RBM20: variants seen among roughly 807,000 people sequenced by gnomAD.
RBM20 encodes the protein RNA binding motif protein 20.
A neutral mutation model predicts 110.1 loss-of-function variants in RBM20; 51 were observed. The ratio of observed to expected loss-of-function variants is 0.46; its 90% CI spans 0.37 to 0.59. The LOEUF is 0.59. Ranked by LOEUF, RBM20 falls within the 20% of genes least tolerant of loss-of-function variation. The probability of loss-of-function intolerance (pLI) is 0.00; values close to 1 mark genes in which losing one functional copy is unlikely to be tolerated. For missense variants in RBM20, 1,512 were observed against 1,574.9 expected, an observed-to-expected ratio of 0.96 and a Z score of 0.68; for synonymous variants, 589 against 618.2, an observed-to-expected ratio of 0.95 and a Z score of 0.70.
rs547785049 is a variant in RBM20 at position 110,760,377 on chromosome 10, A to T, written c.192-20424A>T. Among the ~76,000 whole-genome samples, 20 of 150,182 alleles carry T rather than the reference A, an allele frequency of 1.3e-4. No individual in the cohort carries two copies. In the South Asian group the frequency reaches 4.2e-3, roughly 32 times the overall value. The stretch of plus-strand genomic sequence containing the variant: ...TTTCATCTGAGGGGTTCATTGGAAG[A>T]CACTATAAGCTACATGGGTCAATAT... On this transcript the variant is annotated intron_variant, in intron 1 of 13. Coordinates refer to ENST00000369519, the MANE Select transcript of RBM20 (RefSeq NM_001134363.3).
At position 110,759,823 on chromosome 10, in the gene RBM20, T is replaced by G. The variant is rs145271295; in HGVS notation, c.192-20978T>G. Reference sequence around the variant, plus strand: ...GATGAATCTACTACTCTCTTTGTACTTACATAGCCCAAGAAAAAACAATGA... The same window carrying G: ...GATGAATCTACTACTCTCTTTGTACGTACATAGCCCAAGAAAAAACAATGA... On this transcript the variant is annotated intron_variant, in intron 1 of 13. Coordinates refer to ENST00000369519, the MANE Select transcript of RBM20 (RefSeq NM_001134363.3). Among the ~76,000 whole-genome samples the G allele has an allele frequency of 2.6e-5, 4 of 152,352 alleles. No homozygotes were observed. In the East Asian group the frequency reaches 7.7e-4, roughly 29 times the overall value.
Position 110,705,642 on chromosome 10 carries a change from T to A in RBM20, c.191+60997T>A, listed in dbSNP as rs529587822. On this transcript the variant is annotated intron_variant, in intron 1 of 13. Coordinates refer to ENST00000369519, the MANE Select transcript of RBM20 (RefSeq NM_001134363.3). ...ATAAATTTCATGTAAATACCATGCTTATGAAAGCGTAAGTAATACACATAT... is the reference window on the plus strand; with the variant it reads ...ATAAATTTCATGTAAATACCATGCTAATGAAAGCGTAAGTAATACACATAT... Among the ~76,000 whole-genome samples the A allele has an allele frequency of 3.9e-5, 6 of 152,354 alleles. No homozygotes were observed. In the South Asian group the frequency reaches 1.0e-3, roughly 26 times the overall value.
chr10:110,764,973 G>A (rs1309273468), intron 1 of RBM20, among the ~76,000 whole-genome samples: 2 of 152,056 alleles, frequency 1.3e-5, no homozygotes, highest in East Asian at 3.9e-4. Flanking sequence ...CGATTTGTCT[G>A]TGTCCCCACC....
chr10:110,827,653 T>C (rs560385395), intron 12 of RBM20: 9 of 152,350 alleles, frequency 5.9e-5, no homozygotes, highest in African/African-American at 1.9e-4. Flanking sequence ...AGGAGGCTAC[T>C]ACGCAGAGTT....
At chr10:110,788,803 G>T (rs781604539) in intron 5 of RBM20, among the ~76,000 whole-genome samples, 1 of 152,172 alleles carries the variant, frequency 6.6e-6, no homozygotes, top group Non-Finnish European at 1.5e-5. Flanking sequence ...GACCTCCAAA[G>T]ATATCACCCC....
rs1845127849 is a variant in RBM20, at chr10:110,836,278, C to T, written c.*300C>T. On this transcript the variant is annotated 3_prime_UTR_variant, in exon 14 of 14. Coordinates refer to ENST00000369519, the MANE Select transcript of RBM20 (RefSeq NM_001134363.3). ...TTTTCCTCTTGTTCTTTCTCTCCCT[C>T]CCTCCTTATGTGCCAAGGATCGTTT... 4.9e-6 allele frequency: 1 copy of T among 203,708 alleles called. No homozygotes were observed. The highest frequency in any genetic ancestry group is 9.8e-6 in the Non-Finnish European group (1 of 101,732). 12.6% of individuals were successfully genotyped at this position (203,708 alleles called of 1,614,324 possible). A position where few individuals can be genotyped will look rare whatever the true frequency, so the allele number is the denominator to read the frequency against.
intron 1 of RBM20, among the ~76,000 whole-genome samples, chr10:110,780,574 C>T (rs573760819): frequency 4.0e-5 from 6 of 148,864 alleles, no homozygotes; most frequent in Non-Finnish European, 8.9e-5. Flanking sequence ...TATGTTTCTA[C>T]TTACTAGTGA....
At chr10:110,729,212 A>G (rs778171330) in intron 1 of RBM20, among the ~76,000 whole-genome samples, 6 of 152,194 alleles carry the variant, frequency 3.9e-5, no homozygotes, top group Non-Finnish European at 5.9e-5. Flanking sequence ...AACGCTCCCA[A>G]TTTTAACCTC....
At chr10:110,775,126 A>G (rs1225915755) in intron 1 of RBM20, among the ~76,000 whole-genome samples, 2 of 151,890 alleles carry the variant, frequency 1.3e-5, no homozygotes, top group Non-Finnish European at 2.9e-5. Flanking sequence ...TAAATTCTCA[A>G]CTCTGCTCTA....
intron 1 of RBM20, among the ~76,000 whole-genome samples, chr10:110,760,734 C>T (rs1843987109): frequency 6.7e-6 from 1 of 150,038 alleles, no homozygotes; most frequent in African/African-American, 2.4e-5. Flanking sequence ...AGCCACTGCA[C>T]CTGGCCAGGA....
intron 12 of RBM20, among the ~76,000 whole-genome samples, 193 bp from the exon 13 acceptor site, chr10:110,830,868 G>A (rs989242002): frequency 6.6e-6 from 1 of 152,158 alleles, no homozygotes; most frequent in Non-Finnish European, 1.5e-5. Flanking sequence ...GAATGAAGTG[G>A]GTGTGAGTCT....
At chr10:110,820,933 A>G (rs1415377304) in intron 10 of RBM20, among the ~76,000 whole-genome samples, 3 of 152,226 alleles carry the variant, frequency 2.0e-5, no homozygotes, top group Non-Finnish European at 1.5e-5. Context: ...GTGATGACCC[A>G]GATGCAAGAA....
intron 7 of RBM20, among the ~76,000 whole-genome samples, chr10:110,803,273 T>C (rs1844653238): frequency 6.6e-6 from 1 of 152,248 alleles, no homozygotes; most frequent in Non-Finnish European, 1.5e-5. Context: ...TGATTAAAAC[T>C]TAGTGCTGTT....
At chr10:110,728,145 A>G (rs550063023) in intron 1 of RBM20, among the ~76,000 whole-genome samples, 1 of 152,338 alleles carries the variant, frequency 6.6e-6, no homozygotes, top group Non-Finnish European at 1.5e-5. Flanking sequence ...AAAATGATTT[A>G]TAATCCTTTA....
At chr10:110,674,612 A>G (rs1374355079) in intron 1 of RBM20, among the ~76,000 whole-genome samples, 1 of 152,232 alleles carries the variant, frequency 6.6e-6, no homozygotes, top group East Asian at 1.9e-4. Context: ...TGTTTAATCC[A>G]AATAATTTGA....
Position 110,836,384 on chromosome 10 carries a change from A to C in RBM20, c.*406A>C, listed in dbSNP as rs1270168022. ...GGATATAACAGGTCAGGCCTAGCTG[A>C]GTCAGGCAAGGAAAAGGTTTAATGG... On this transcript the variant is annotated 3_prime_UTR_variant, in exon 14 of 14. Coordinates refer to ENST00000369519, the MANE Select transcript of RBM20 (RefSeq NM_001134363.3). The C allele has an allele frequency of 6.5e-6, 1 of 153,962 alleles. No individual in the cohort carries two copies. The highest frequency in any genetic ancestry group is 1.9e-4 in the East Asian group (1 of 5,246). 9.5% of individuals were successfully genotyped at this position (153,962 alleles called of 1,614,324 possible).
rs763422530 is a variant in RBM20 at position 110,689,788 on chromosome 10, G to A, written c.191+45143G>A. On this transcript the variant is annotated intron_variant, in intron 1 of 13. Coordinates refer to ENST00000369519, the MANE Select transcript of RBM20 (RefSeq NM_001134363.3). The stretch of plus-strand genomic sequence containing the variant: ...TAAAGCCTTTTACAAGTCTAAAGTA[G>A]CAGTGTTTCTATTTCTTGGTATTCT... 1.6e-4 allele frequency among the ~76,000 whole-genome samples: 25 copies of A among 152,154 alleles called. 1 individual carries two copies. The highest frequency in any genetic ancestry group is 1.6e-3 in the Admixed American group (24 of 15,276).
chr10:110,734,188 T>C (rs1292569920), intron 1 of RBM20, among the ~76,000 whole-genome samples: 1 of 152,218 alleles, frequency 6.6e-6, no homozygotes, highest in Non-Finnish European at 1.5e-5. Context: ...TTTTAGAATG[T>C]CATAGAGTGT....
chr10:110,832,199 G>A (rs1845065053), intron 13 of RBM20, among the ~76,000 whole-genome samples: 1 of 152,156 alleles, frequency 6.6e-6, no homozygotes, highest in Non-Finnish European at 1.5e-5. Flanking sequence ...CAGAAGACAT[G>A]GTATATCAGA....
Sources: gnomAD v4.1 joint callset for allele counts (sites outside exome capture counted in the v4.1 genomes callset) on GRCh38, gnomAD v4.1.1 for gene constraint, MANE v1.5 for transcripts, NCBI Gene and HGNC (gene_info 2026-07-23, HGNC 2026-07-21) for gene names.